EYS: variants seen among roughly 807,000 people sequenced by gnomAD.
EYS encodes the protein protein eyes shut homolog.
EYS carries 250 observed loss-of-function variants against 282.1 expected under a neutral mutation model. The ratio of observed to expected loss-of-function variants is 0.89; its 90% confidence interval spans 0.80 to 0.98. The LOEUF (loss-of-function observed/expected upper bound fraction) is 0.98, where lower values mean the gene tolerates loss of function less well. Among genes scored for constraint, EYS ranks in the 50% least tolerant of loss-of-function variants. The probability of loss-of-function intolerance (pLI) is 0.00; values close to 1 mark genes in which losing one functional copy is unlikely to be tolerated. For missense variants in EYS, 4,016 were observed against 3,709.0 expected (o/e 1.08, Z -2.15); for synonymous variants, 1,355 against 1,282.9 (o/e 1.06, Z -1.20).
At chr6:64,324,138 C>T (rs1238364678) in intron 29 of EYS, among the ~76,000 whole-genome samples, 1 of 152,088 alleles carries the variant, frequency 6.6e-6, no homozygotes, top group Non-Finnish European at 1.5e-5. Context: ...TCTAGCAAAC[C>T]AGCATCAGCC....
At chr6:64,762,753 T>A (rs1773201577) in intron 22 of EYS, among the ~76,000 whole-genome samples, 1 of 152,122 alleles carries the variant, frequency 6.6e-6, no homozygotes, top group African/African-American at 2.4e-5. Flanking sequence ...AAAATTTATT[T>A]GGTATTTGGG....
intron 12 of EYS, among the ~76,000 whole-genome samples, chr6:65,252,626 T>C (rs1332002653): frequency 2.0e-5 from 3 of 151,948 alleles, no homozygotes; most frequent in Non-Finnish European, 2.9e-5. Context: ...GAAAAGCCAA[T>C]CAATAGATGC....
intron 28 of EYS, among the ~76,000 whole-genome samples, chr6:64,404,868 A>G (rs959273869): frequency 9.2e-5 from 14 of 152,314 alleles, no homozygotes; most frequent in African/African-American, 3.1e-4. Flanking sequence ...ATGAGTTGAA[A>G]TAAATCCTGA....
chr6:65,017,372 A>G (rs1772089159), intron 13 of EYS, among the ~76,000 whole-genome samples: 1 of 152,220 alleles, frequency 6.6e-6, no homozygotes, highest in African/African-American at 2.4e-5. Flanking sequence ...TACACTTTTA[A>G]ATAATTTTTT....
Position 63,906,898 on chromosome 6 carries a change from G to GA in EYS, c.7056-42541dup, listed in dbSNP as rs926677585. ...GAAATATCTTGGATGGGTCAGTTAA[G>GA]AAAAAAAAAACCTAAAAAAAGGACC... On this transcript the variant is annotated intron_variant, in intron 35 of 42. Coordinates refer to ENST00000503581, the MANE Select transcript of EYS (RefSeq NM_001142800.2). Among the ~76,000 whole-genome samples, 800 of 144,486 alleles carry GA rather than the reference G, an allele frequency of 5.5e-3. 9 individuals carry two copies. The highest frequency in any genetic ancestry group is 0.019 in the African/African-American group (752 of 39,530). 94.8% of individuals were successfully genotyped at this position (144,486 alleles called of 152,430 possible).
intron 26 of EYS, among the ~76,000 whole-genome samples, chr6:64,463,226 C>T (rs567817324): frequency 5.3e-5 from 8 of 152,292 alleles, no homozygotes; most frequent in Admixed American, 1.3e-4. Flanking sequence ...GCTGGGATTA[C>T]AGGCGTGAGC....
At chr6:65,624,723 A>G (rs375879184) in intron 2 of EYS, among the ~76,000 whole-genome samples, 2 of 152,114 alleles carry the variant, frequency 1.3e-5, no homozygotes, top group East Asian at 1.9e-4. Flanking sequence ...TCTGTGCTGG[A>G]TGGTTCCTGC....
chr6:64,911,388 G>A (rs777953796), intron 16 of EYS, among the ~76,000 whole-genome samples: 2 of 151,990 alleles, frequency 1.3e-5, no homozygotes, highest in South Asian at 4.1e-4. Flanking sequence ...TCCTTCAGAA[G>A]GCCCAGAAGT....
intron 18 of EYS, among the ~76,000 whole-genome samples, chr6:64,899,286 G>C (rs1219393277): frequency 6.6e-6 from 1 of 152,076 alleles, no homozygotes; most frequent in African/African-American, 2.4e-5. Context: ...CTAGAACTCA[G>C]GATTAAGAAA....
chr6:65,179,422 C>T (rs1403740827), intron 12 of EYS, among the ~76,000 whole-genome samples: 5 of 152,098 alleles, frequency 3.3e-5, no homozygotes, highest in Non-Finnish European at 7.4e-5. Context: ...TCAGAGAATA[C>T]TATAAACACC....
intron 11 of EYS, chr6:65,330,319 G>C: frequency 1.0e-6 from 1 of 971,172 alleles, no homozygotes; most frequent in Non-Finnish European, 1.2e-6. Context: ...ATTTCTGGTA[G>C]CAAGTAGGGA....
chr6:64,896,131 T>C (rs1767455345), intron 18 of EYS, among the ~76,000 whole-genome samples: 1 of 152,160 alleles, frequency 6.6e-6, no homozygotes, highest in Non-Finnish European at 1.5e-5. Flanking sequence ...AAAGAGCAGA[T>C]GCTGACTCAG....
At chr6:64,246,005 C>A (rs1378438991) in intron 30 of EYS, among the ~76,000 whole-genome samples, 3 of 96,472 alleles carry the variant, frequency 3.1e-5, no homozygotes, top group Non-Finnish European at 5.4e-5. Context: ...GGCGACAGAG[C>A]GAAACTCCGT....
chr6:64,577,203 G>A (rs572780092), intron 26 of EYS, among the ~76,000 whole-genome samples: 2 of 152,174 alleles, frequency 1.3e-5, no homozygotes, highest in Admixed American at 1.3e-4. Context: ...AATCTCTGCT[G>A]TTTTGAGACA....
chr6:65,134,700 A>C (rs1775973645), intron 12 of EYS, among the ~76,000 whole-genome samples: 1 of 152,006 alleles, frequency 6.6e-6, no homozygotes, highest in Non-Finnish European at 1.5e-5. Flanking sequence ...CCTCTATGAC[A>C]TGAGTTTACC....
chr6:64,629,487 C>A (rs1002212488), intron 22 of EYS, among the ~76,000 whole-genome samples: 7 of 152,034 alleles, frequency 4.6e-5, no homozygotes, highest in Admixed American at 2.6e-4. Flanking sequence ...CTTAACAATA[C>A]TGAGTTTTTC....
intron 29 of EYS, among the ~76,000 whole-genome samples, chr6:64,332,166 G>A (rs1473444008): frequency 6.6e-6 from 1 of 152,140 alleles, no homozygotes; most frequent in Non-Finnish European, 1.5e-5. Flanking sequence ...CTCATCTAAG[G>A]TGAGATCAGG....
chr6:64,466,511 T>C (rs192916721), intron 26 of EYS, among the ~76,000 whole-genome samples: 1 of 152,144 alleles, frequency 6.6e-6, no homozygotes, highest in Admixed American at 6.5e-5. Context: ...GAAAGACAAA[T>C]ACGACATGAT....
intron 12 of EYS, among the ~76,000 whole-genome samples, chr6:65,187,321 G>A (rs1193068915): frequency 1.3e-5 from 2 of 151,572 alleles, no homozygotes; most frequent in African/African-American, 2.4e-5. Context: ...AAAGAATAGA[G>A]GTTAATTTAA....
Sources: allele counts gnomAD v4.1 joint callset (sites outside exome capture counted in the v4.1 genomes callset), GRCh38; gene constraint gnomAD v4.1.1; transcripts MANE v1.5; gene names NCBI Gene and HGNC (gene_info 2026-07-23, HGNC 2026-07-21).